GLDC: variants seen among roughly 807,000 people sequenced by gnomAD.
GLDC encodes the protein glycine decarboxylase, also known as glycine dehydrogenase (decarboxylating), mitochondrial.
A neutral mutation model predicts 121.3 loss-of-function variants in GLDC; 104 were observed. The ratio of observed to expected loss-of-function variants is 0.86; its 90% confidence interval spans 0.73 to 1.01. The LOEUF is 1.01. Among genes scored for constraint, GLDC ranks in the 50% least tolerant of loss-of-function variants. The probability of loss-of-function intolerance (pLI) is 0.00; values close to 1 mark genes in which losing one functional copy is unlikely to be tolerated. For missense variants in GLDC, 1,429 were observed against 1,306.6 expected, an observed-to-expected ratio of 1.09 and a Z score of -1.44; for synonymous variants, 546 against 480.6, an observed-to-expected ratio of 1.14 and a Z score of -1.78.
rs1224170063 is a variant in GLDC, at chr9:6,639,932, T to G, written c.334+4682A>C. The stretch of plus-strand genomic sequence containing the variant: ...ACAATTGGCCCCAAATGGCCAGAAC[T>G]CGATTAATAACTGATAGCTTCCCTA... On this transcript the variant is annotated intron_variant, in intron 2 of 24. Coordinates refer to ENST00000321612, the MANE Select transcript of GLDC (RefSeq NM_000170.3). 2.0e-5 allele frequency among the ~76,000 whole-genome samples: 3 copies of G among 152,066 alleles called. No individual in the cohort carries two copies. In the South Asian group the frequency reaches 6.2e-4, roughly 32 times the overall value.
intron 21 of GLDC, among the ~76,000 whole-genome samples, chr9:6,550,131 G>T (rs752974539): frequency 6.6e-6 from 1 of 152,142 alleles, no homozygotes; most frequent in African/African-American, 2.4e-5. Flanking sequence ...GCAAGAAGGC[G>T]CTGTCAACCA....
chr9:6,562,388 G>A (rs1230993312), intron 16 of GLDC, among the ~76,000 whole-genome samples: 1 of 151,954 alleles, frequency 6.6e-6, no homozygotes, highest in Non-Finnish European at 1.5e-5. Context: ...CACACTCCCT[G>A]CACATGACTT....
chr9:6,552,911 T>C (rs1319928249), intron 20 of GLDC, among the ~76,000 whole-genome samples: 1 of 151,312 alleles, frequency 6.6e-6, no homozygotes, highest in Admixed American at 6.6e-5. Context: ...TTTCTGCTAT[T>C]TTTCATCTTC....
chr9:6,582,448 G>A (rs556451073), intron 15 of GLDC, among the ~76,000 whole-genome samples: 1 of 152,256 alleles, frequency 6.6e-6, no homozygotes, highest in African/African-American at 2.4e-5. Context: ...TTGAACCTGG[G>A]AGGTGGAGGC....
chr9:6,546,552 G>A (rs1216222484), intron 21 of GLDC, among the ~76,000 whole-genome samples: 2 of 151,910 alleles, frequency 1.3e-5, no homozygotes, highest in African/African-American at 2.4e-5. Context: ...TAACACACAC[G>A]GAGCTGCTAT....
At chr9:6,626,646 C>G (rs1055825457) in intron 2 of GLDC, among the ~76,000 whole-genome samples, 2 of 147,870 alleles carry the variant, frequency 1.4e-5, no homozygotes, top group Non-Finnish European at 3.0e-5. Flanking sequence ...TCTGAAGTCC[C>G]TAGACTCTCA....
chr9:6,556,343 T>C, intron 17 of GLDC, 41 bp from the exon 18 acceptor site: 1 of 1,565,124 alleles, frequency 6.4e-7, no homozygotes, highest in Non-Finnish European at 8.8e-7. Flanking sequence ...GGAGGGAGGA[T>C]ATGTTTCTTT....
In GLDC at chr9:6,542,595, A is replaced by G. The variant is rs144487891; in HGVS notation, c.2570-2449T>C. On this transcript the variant is annotated intron_variant, in intron 21 of 24. Coordinates refer to ENST00000321612, the MANE Select transcript of GLDC (RefSeq NM_000170.3). The stretch of plus-strand genomic sequence containing the variant: ...ACTGTAAGGAGTATGATTCAAAAGC[A>G]GAAAATTCAGCCGGGCATGGTAGCT... Among the ~76,000 whole-genome samples, 369 of 152,216 alleles carry G rather than the reference A, an allele frequency of 2.4e-3. 4 individuals carry two copies. The highest frequency in any genetic ancestry group is 8.4e-3 in the African/African-American group (349 of 41,558).
rs1819603800 is a variant in GLDC at position 6,640,306 on chromosome 9, C to T, written c.334+4308G>A. Among the ~76,000 whole-genome samples the T allele has an allele frequency of 2.0e-5, 3 of 152,170 alleles. No individual in the cohort carries two copies. The South Asian group carries it at 6.2e-4, about 31-fold the overall frequency. On this transcript the variant is annotated intron_variant, in intron 2 of 24. Transcript: ENST00000321612. ...GGGAATTGAATGAGTCGGGAATGGC[C>T]AAAGGAAAGCCTTGTCACAGACTGC...
chr9:6,637,405 A>T (rs1299554122), intron 2 of GLDC, among the ~76,000 whole-genome samples: 3 of 57,262 alleles, frequency 5.2e-5, no homozygotes, highest in African/African-American at 1.3e-4. Context: ...GACTTCTCTC[A>T]AAAAAAAAAA....
intron 21 of GLDC, among the ~76,000 whole-genome samples, chr9:6,550,000 C>T (rs72695504): frequency 0.22 from 33,577 of 152,108 alleles, 4,447 homozygotes; most frequent in Admixed American, 0.29. Context: ...GCTCCCTCTC[C>T]CCTATCCCAT....
intron 16 of GLDC, among the ~76,000 whole-genome samples, chr9:6,563,507 A>G (rs1170745004): frequency 6.6e-6 from 1 of 152,180 alleles, no homozygotes; most frequent in Non-Finnish European, 1.5e-5. Flanking sequence ...AACTCCAGAG[A>G]CGACCTCAGA....
At chr9:6,568,807 C>T (rs1248889199) in intron 15 of GLDC, 2 of 152,368 alleles carry the variant, frequency 1.3e-5, no homozygotes, top group African/African-American at 4.8e-5. Flanking sequence ...CGAGATCACA[C>T]CACTGCACTG....
intron 2 of GLDC, among the ~76,000 whole-genome samples, chr9:6,621,812 T>G (rs886895107): frequency 3.9e-5 from 6 of 152,100 alleles, no homozygotes; most frequent in Non-Finnish European, 7.4e-5. Context: ...CACCGCGCCC[T>G]GCCACTGAAG....
Position 6,592,124 on chromosome 9 carries a change from A to G in GLDC, c.1482+19T>C, listed in dbSNP as rs79114789. ...CTCCAATAGTTATGATGAGGAACGC[A>G]TGTTTTTATTTTACTTACTGCAGAT... On this transcript the variant is annotated intron_variant, in intron 11 of 24. Coordinates refer to ENST00000321612, the MANE Select transcript of GLDC (RefSeq NM_000170.3). 6,618 of 1,463,988 alleles carry G rather than the reference A, an allele frequency of 4.5e-3. 242 individuals are homozygous for G. The African/African-American group carries it at 0.079, about 17-fold the overall frequency. 90.7% of individuals were successfully genotyped at this position (1,463,988 alleles called of 1,614,324 possible). A position where few individuals can be genotyped will look rare whatever the true frequency, so the allele number is the denominator to read the frequency against.
At position 6,593,006 on chromosome 9, in the gene GLDC, G is replaced by C. The variant is rs1021298458; in HGVS notation, c.1262-16C>G. The C allele has an allele frequency of 1.2e-6, 2 of 1,613,830 alleles. No homozygotes were observed. The highest frequency in any genetic ancestry group is 1.7e-6 in the Non-Finnish European group (2 of 1,179,706). ...CGCTTGAGACCTACACAAGATAGGAGATCCCCCAAACTCTCATATAGAAAC... is the reference window on the plus strand; with the variant it reads ...CGCTTGAGACCTACACAAGATAGGACATCCCCCAAACTCTCATATAGAAAC... On this transcript the variant is annotated splice_polypyrimidine_tract_variant and intron_variant, in intron 9 of 24. Transcript: ENST00000321612.
intron 15 of GLDC, among the ~76,000 whole-genome samples, chr9:6,582,957 A>T (rs1021501609): frequency 2.0e-5 from 3 of 152,236 alleles, no homozygotes; most frequent in Non-Finnish European, 2.9e-5. Context: ...AAGCATATGA[A>T]AAGATGCTCA....
In GLDC at chr9:6,581,840, G is replaced by C. The variant is rs1004645787; in HGVS notation, c.1850+5301C>G. Among the ~76,000 whole-genome samples, 39 of 152,134 alleles carry C rather than the reference G, an allele frequency of 2.6e-4. 1 individual carries two copies. Among genetic ancestry groups the C allele is most frequent in the African/African-American group, 8.9e-4 (37 of 41,432 alleles). ...ATTGTATATTTAGAGTTGCCTTTGT[G>C]CATCAAAAAACACTGTAAACAGTGA... On this transcript the variant is annotated intron_variant, in intron 15 of 24. Transcript: ENST00000321612.
At chr9:6,625,464 G>T (rs1375573473) in intron 2 of GLDC, among the ~76,000 whole-genome samples, 1 of 152,136 alleles carries the variant, frequency 6.6e-6, no homozygotes, top group African/African-American at 2.4e-5. Context: ...GAGCCAAAAG[G>T]GTTACTGAAA....
Sources: gnomAD v4.1 joint callset for allele counts (sites outside exome capture counted in the v4.1 genomes callset) on GRCh38, gnomAD v4.1.1 for gene constraint, MANE v1.5 for transcripts, NCBI Gene and HGNC (gene_info 2026-07-23, HGNC 2026-07-21) for gene names.